Variants in ZNF236 observed in about 807,000 individuals in gnomAD.
ZNF236 encodes zinc finger protein 236, also known as regulated by glucose.
In ZNF236, 50 loss-of-function variants were observed where a neutral mutation model predicts 191.2. The observed-to-expected ratio is 0.26, with a 90% CI of 0.21 to 0.33. ZNF236 has a LOEUF of 0.33. ZNF236 is among the 10% of genes least tolerant of loss of function. The probability of loss-of-function intolerance (pLI) is 1.00; values close to 1 mark genes in which losing one functional copy is unlikely to be tolerated. For missense variants in ZNF236, 1,754 were observed against 2,374.5 expected (o/e 0.74, Z 5.43); for synonymous variants, 907 against 928.8 (o/e 0.98, Z 0.43).
chr18:76,946,728 C>T (rs886920959), intron 26 of ZNF236, among the ~76,000 whole-genome samples: 5 of 152,216 alleles, frequency 3.3e-5, no homozygotes, highest in Non-Finnish European at 7.3e-5. Context: ...CTCATTCTCT[C>T]GTATTCTCTC....
intron 25 of ZNF236, among the ~76,000 whole-genome samples, chr18:76,931,935 C>T (rs1967863546): frequency 6.6e-6 from 1 of 152,142 alleles, no homozygotes; most frequent in Non-Finnish European, 1.5e-5. Flanking sequence ...AAAGCTAGAC[C>T]TCTTTTCATG....
In ZNF236 at chr18:76,912,283, G is replaced by A. The variant is rs777641517; in HGVS notation, c.2845G>A (p.Asp949Asn). The A allele has an allele frequency of 6.2e-7, 1 of 1,614,188 alleles. No homozygotes were observed. The highest frequency in any genetic ancestry group is 2.2e-5 in the East Asian group (1 of 44,880). ...LIQESSQEEL[D>N]LQAQGSQFLE... ...TCAGGAGTCATCCCAAGAGGAACTGGACCTGCAGGCACAAGGTTCCCAGTT... is the reference window on the plus strand; with the variant it reads ...TCAGGAGTCATCCCAAGAGGAACTGAACCTGCAGGCACAAGGTTCCCAGTT... Residue 949 changes from aspartate (D) to asparagine (N), a missense_variant, in exon 17 of 31, where the codon GAC becomes AAC. This residue lies in a region of ZNF236 where 641 missense variants were observed against 869.6 expected (regional missense o/e 0.74). Transcript: ENST00000320610.
In ZNF236 at chr18:76,910,766, C is replaced by T. The variant is rs759093643; in HGVS notation, c.2760C>T (p.His920=). 3 of 1,614,202 alleles carry T rather than the reference C, an allele frequency of 1.9e-6. No homozygotes were observed. The highest frequency in any genetic ancestry group is 2.5e-6 in the Non-Finnish European group (3 of 1,180,036). The stretch of plus-strand genomic sequence containing the variant: ...CTCAGGCCCTCTCCACAAGCTTCCA[C>T]CAGCAGAGCTTGCTGCAGGCTCCCA... The part of the protein sequence containing the change: ...LESQALSTSF[H]QQSLLQAPSS... The change falls in exon 16 of 31, where the codon CAC becomes CAT. Residue 920 remains histidine (H), a synonymous_variant. Coordinates refer to ENST00000320610, the MANE Select transcript of ZNF236 (RefSeq NM_001306089.2).
At position 76,923,181 on chromosome 18, in the gene ZNF236, A is replaced by G; in HGVS notation, c.3661+7A>G. 6.3e-7 allele frequency: 1 copy of G among 1,579,330 alleles called. No individual in the cohort carries two copies. Among genetic ancestry groups the G allele is most frequent in the East Asian group, 2.2e-5 (1 of 44,614 alleles). ...CATGTGAAGACTCACACAGGTAAGG[A>G]AAACATGCCTGCGTCATTGGTAGAG... On this transcript the variant is annotated splice_region_variant and intron_variant, in intron 21 of 30. Transcript: ENST00000320610.
intron 27 of ZNF236, among the ~76,000 whole-genome samples, chr18:76,950,441 A>G (rs1455348224): frequency 1.3e-5 from 2 of 152,012 alleles, no homozygotes; most frequent in Non-Finnish European, 2.9e-5. Context: ...AGTTATATAT[A>G]CCTTTAGATC....
intron 5 of ZNF236, among the ~76,000 whole-genome samples, chr18:76,873,000 C>A (rs1829153675): frequency 6.6e-6 from 1 of 151,974 alleles, no homozygotes; most frequent in South Asian, 2.1e-4. Context: ...GTTTATATGT[C>A]AGCATAAAGT....
At chr18:76,834,688 G>A in intron 1 of ZNF236, 1 of 432,022 alleles carries the variant, frequency 2.3e-6, no homozygotes, top group Non-Finnish European at 4.5e-6. Flanking sequence ...AGACTACTTT[G>A]CCAGTTTGCT....
In ZNF236 at chr18:76,956,135, G is replaced by A. The variant is rs866721965; in HGVS notation, c.5065G>A (p.Gly1689Ser). 3 of 1,567,638 alleles carry A rather than the reference G, an allele frequency of 1.9e-6. No homozygotes were observed. Among genetic ancestry groups the A allele is most frequent in the East Asian group, 2.3e-5 (1 of 42,602 alleles). ...KEVHGRERIH[G>S]CPVCRKAFKR... ...GGTGCATGGCCGGGAGCGCATCCAC[G>A]GCTGCCCCGTGTGCAGGAAGGCCTT... The change falls in exon 28 of 31, where the codon GGC (glycine) becomes AGC (serine). Residue 1689 changes from glycine (G) to serine (S), a missense_variant. Coordinates refer to ENST00000320610, the MANE Select transcript of ZNF236 (RefSeq NM_001306089.2).
chr18:76,912,285 C>T lies in ZNF236; in HGVS notation c.2847C>T (p.Asp949=). ...AGGAGTCATCCCAAGAGGAACTGGA[C>T]CTGCAGGCACAAGGTTCCCAGTTTC... The part of the protein sequence containing the change: ...LIQESSQEEL[D]LQAQGSQFLE... Residue 949 remains aspartate, a synonymous_variant, in exon 17 of 31, where the codon GAC becomes GAT. Coordinates refer to ENST00000320610, the MANE Select transcript of ZNF236 (RefSeq NM_001306089.2). The T allele has an allele frequency of 1.2e-6, 2 of 1,614,174 alleles. No individual in the cohort carries two copies. Among genetic ancestry groups the T allele is most frequent in the Non-Finnish European group, 1.7e-6 (2 of 1,180,024 alleles).
At chr18:76,922,482 A>G (rs546507050) in intron 20 of ZNF236, among the ~76,000 whole-genome samples, 8 of 151,520 alleles carry the variant, frequency 5.3e-5, no homozygotes, top group Middle Eastern at 3.5e-3. Flanking sequence ...TGCATTGCCA[A>G]CTTTTCTACT....
rs772202153 is a variant in ZNF236, at chr18:76,908,437, C to T, written c.2415C>T (p.Asp805=). The T allele has an allele frequency of 4.0e-5, 65 of 1,614,184 alleles. No individual in the cohort carries two copies. Among genetic ancestry groups the T allele is most frequent in the Non-Finnish European group, 5.3e-5 (63 of 1,180,046 alleles). The part of the protein sequence containing the change: ...STQMQVEIES[D]ELPQTAEVVA... ...AAATGCAGGTGGAGATCGAGAGCGA[C>T]GAGCTGCCGCAGACGGCAGAGGTGG... is the stretch of plus-strand genomic sequence containing the variant. Residue 805 remains aspartate, a synonymous_variant, in exon 14 of 31, where the codon GAC becomes GAT. Transcript: ENST00000320610.
chr18:76,875,436 C>A lies in ZNF236; in HGVS notation c.668-56C>A. 1 of 1,402,610 alleles carries A rather than the reference C, an allele frequency of 7.1e-7. No homozygotes were observed. Among genetic ancestry groups the A allele is most frequent in the Non-Finnish European group, 9.4e-7 (1 of 1,065,364 alleles). The allele number at this position is 1,402,610 out of a possible 1,614,324, so 86.9% of individuals were successfully genotyped here. A position where few individuals can be genotyped will look rare whatever the true frequency, so the allele number is the denominator to read the frequency against. On this transcript the variant is annotated intron_variant, in intron 5 of 30. Transcript: ENST00000320610. The surrounding 1 kb of genome is among the most constrained non-coding windows in gnomAD (Gnocchi z 4.3). ...AACTTCAGTGTTGTTCTTTTCAATC[C>A]GTAAGATGCCCATACAATATGGAAT...
At chr18:76,866,741 C>A (rs1045379590) in intron 3 of ZNF236, among the ~76,000 whole-genome samples, 1 of 152,118 alleles carries the variant, frequency 6.6e-6, no homozygotes. Flanking sequence ...GTGGAAGGCC[C>A]GTTGTCCTAG....
chr18:76,840,622 ATT>A lies in ZNF236; in HGVS notation c.56-8884_56-8883del, dbSNP rs10659204. 9.7e-3 allele frequency among the ~76,000 whole-genome samples: 1,125 copies of A among 115,446 alleles called. 13 individuals are homozygous for A. Among genetic ancestry groups the A allele is most frequent in the African/African-American group, 0.033 (1,051 of 31,462 alleles). The allele number at this position is 115,446 out of a possible 152,430, so 75.7% of individuals were successfully genotyped here. A position where few individuals can be genotyped will look rare whatever the true frequency, so the allele number is the denominator to read the frequency against. On this transcript the variant is annotated intron_variant, in intron 1 of 30. Coordinates refer to ENST00000320610, the MANE Select transcript of ZNF236 (RefSeq NM_001306089.2). ...TGAAAGAACACCTGGGTAAAGGTGA[ATT>A]TTTTTTTTTTTTTTTTTTTGAGACG...
At chr18:76,923,001 T>G (rs555195869) in intron 20 of ZNF236, 70 bp from the exon 21 acceptor site, 2 of 1,200,272 alleles carry the variant, frequency 1.7e-6, no homozygotes, top group African/African-American at 3.1e-5. Flanking sequence ...TAATTTTAAT[T>G]TATATAGTTA....
In ZNF236 at chr18:76,937,220, T is replaced by C; in HGVS notation, c.4659T>C (p.Thr1553=). The C allele has an allele frequency of 6.2e-7, 1 of 1,614,150 alleles. No individual in the cohort carries two copies. Among genetic ancestry groups the C allele is most frequent in the Non-Finnish European group, 8.5e-7 (1 of 1,180,012 alleles). The change falls in exon 26 of 31, where the codon ACT becomes ACC. Residue 1553 remains threonine (T), a synonymous_variant. Transcript: ENST00000320610. ...CGATGTCTCCATCGGCCATCTCGAC[T>C]CAGAACCTGGTCATGTCCTCGTCGG... The part of the protein sequence containing the change: ...TTPMSPSAIS[T]QNLVMSSSGV...
chr18:76,924,106 C>A (rs1029316951), intron 21 of ZNF236, among the ~76,000 whole-genome samples: 1 of 152,282 alleles, frequency 6.6e-6, no homozygotes. Context: ...AAACAGATCC[C>A]TGAGCTTGTT....
At chr18:76,834,666 TC>T in intron 1 of ZNF236, 1 of 440,164 alleles carries the variant, frequency 2.3e-6, no homozygotes, top group Non-Finnish European at 4.4e-6. Flanking sequence ...ACATATTTCT[TC>T]CTGTAAACCC....
At position 76,970,413 on chromosome 18, in the gene ZNF236, G is replaced by T. The variant is rs1352321128; in HGVS notation, c.*2074G>T. 6.6e-6 allele frequency: 1 copy of T among 152,520 alleles called. No individual in the cohort carries two copies. The highest frequency in any genetic ancestry group is 2.4e-5 in the African/African-American group (1 of 41,422). 9.4% of individuals were successfully genotyped at this position (152,520 alleles called of 1,614,324 possible). ...GAAAATATCAATAATTCAATTTTGT[G>T]TCTTTTCTCAATTTATTAGCAAACA... is the stretch of plus-strand genomic sequence containing the variant. On this transcript the variant is annotated 3_prime_UTR_variant, in exon 31 of 31. Coordinates refer to ENST00000320610, the MANE Select transcript of ZNF236 (RefSeq NM_001306089.2).
Sources: allele counts gnomAD v4.1 joint callset (sites outside exome capture counted in the v4.1 genomes callset), GRCh38; gene constraint gnomAD v4.1.1; regional missense constraint gnomAD v4.1.1; non-coding constraint Gnocchi (gnomAD v3.1); transcripts MANE v1.5; gene names NCBI Gene and HGNC (gene_info 2026-07-23, HGNC 2026-07-21).